The following CAMK1D variants were observed in gnomAD, a reference collection of about 807,000 sequenced individuals.
CAMK1D encodes the protein calcium/calmodulin dependent protein kinase ID.
A neutral mutation model predicts 47.7 loss-of-function variants in CAMK1D; 9 were observed. The observed-to-expected ratio is 0.19, with a 90% CI of 0.11 to 0.33. The LOEUF (loss-of-function observed/expected upper bound fraction) is 0.33. CAMK1D is among the 10% of genes least tolerant of loss of function. The pLI, the probability that CAMK1D is intolerant of heterozygous loss-of-function variation, is 1.00. For synonymous variants in CAMK1D, 184 were observed against 184.9 expected (o/e 0.99, Z 0.04); for missense variants, 291 against 488.7 (o/e 0.60, Z 3.81).
At chr10:12,786,902 C>G (rs1837749044) in intron 5 of CAMK1D, among the ~76,000 whole-genome samples, 1 of 152,212 alleles carries the variant, frequency 6.6e-6, no homozygotes, top group Non-Finnish European at 1.5e-5. Flanking sequence ...GCGGGTGGAT[C>G]ACCTGAGGTC....
chr10:12,357,548 C>G (rs1837554425), intron 1 of CAMK1D, among the ~76,000 whole-genome samples: 1 of 152,138 alleles, frequency 6.6e-6, no homozygotes, highest in African/African-American at 2.4e-5. Context: ...ACTTCTGACG[C>G]CAAGTGATCT....
intron 1 of CAMK1D, among the ~76,000 whole-genome samples, chr10:12,467,256 G>A (rs1356626018): frequency 5.8e-5 from 4 of 68,568 alleles, no homozygotes; most frequent in African/African-American, 1.9e-4. Flanking sequence ...GGGTTCAAGC[G>A]ATTGTCCTGC....
intron 4 of CAMK1D, among the ~76,000 whole-genome samples, chr10:12,761,880 G>A (rs1228876924): frequency 2.6e-5 from 4 of 152,072 alleles, no homozygotes; most frequent in African/African-American, 7.2e-5. Context: ...GCGAAACTCC[G>A]TCTCAAAAAA....
intron 1 of CAMK1D, among the ~76,000 whole-genome samples, chr10:12,523,574 C>A (rs1041239194): frequency 1.4e-4 from 21 of 152,162 alleles, no homozygotes; most frequent in Non-Finnish European, 2.9e-4. Context: ...GAAACCCCGT[C>A]TCCACCAAAA....
chr10:12,623,115 T>C (rs1222608774), intron 2 of CAMK1D, among the ~76,000 whole-genome samples: 645 of 28,494 alleles, frequency 0.023, 50 homozygotes, highest in African/African-American at 0.073. Flanking sequence ...CTCCCTCCCT[T>C]CCTTCTTTCC....
intron 1 of CAMK1D, among the ~76,000 whole-genome samples, chr10:12,394,610 A>G (rs1838869513): frequency 6.6e-6 from 1 of 152,172 alleles, no homozygotes; most frequent in African/African-American, 2.4e-5. Context: ...CCACAGGCAG[A>G]CACCAAAGAT....
chr10:12,589,108 C>T (rs1837921520), intron 2 of CAMK1D, among the ~76,000 whole-genome samples: 2 of 152,054 alleles, frequency 1.3e-5, no homozygotes, highest in South Asian at 2.1e-4. Flanking sequence ...CTTAAGCCAT[C>T]CTCCTGTCTC....
chr10:12,695,120 T>G (rs78109829), intron 3 of CAMK1D, among the ~76,000 whole-genome samples: 2,923 of 152,204 alleles, frequency 0.019, 90 homozygotes, highest in African/African-American at 0.062. Flanking sequence ...CTATTGGTTC[T>G]GTTTTCTGGA....
chr10:12,553,376 C>G lies in CAMK1D; in HGVS notation c.224+20C>G, dbSNP rs114093778. ...GAGAAAGTAAGTGCTGGAGGGCAAC[C>G]CTCCTCCCTTCCCTACCTCCTGGCC... is the stretch of plus-strand genomic sequence containing the variant. On this transcript the variant is annotated intron_variant, in intron 2 of 10. Transcript: ENST00000619168. The G allele has an allele frequency of 6.3e-7, 1 of 1,574,802 alleles. No homozygotes were observed. The highest frequency in any genetic ancestry group is 1.3e-5 in the African/African-American group (1 of 74,160).
chr10:12,432,252 C>T (rs1224725790), intron 1 of CAMK1D, among the ~76,000 whole-genome samples: 2 of 152,194 alleles, frequency 1.3e-5, no homozygotes, highest in Non-Finnish European at 2.9e-5. Flanking sequence ...AAGAGTTTTT[C>T]CTCAGCCCCA....
At chr10:12,722,319 G>T (rs937919779) in intron 3 of CAMK1D, among the ~76,000 whole-genome samples, 6 of 151,716 alleles carry the variant, frequency 4.0e-5, no homozygotes, top group Non-Finnish European at 7.4e-5. Context: ...GGTGGTGGGT[G>T]CCTGTAGTCC....
intron 2 of CAMK1D, among the ~76,000 whole-genome samples, chr10:12,601,066 A>C (rs1164751494): frequency 6.6e-6 from 1 of 152,038 alleles, no homozygotes; most frequent in African/African-American, 2.4e-5. Flanking sequence ...TATCTTTGCA[A>C]TTGTGGGTGG....
intron 2 of CAMK1D, among the ~76,000 whole-genome samples, chr10:12,601,552 C>G (rs1176303493): frequency 6.6e-6 from 1 of 152,168 alleles, no homozygotes; most frequent in African/African-American, 2.4e-5. Context: ...CAACCTCTGC[C>G]TCTCAGGTTC....
At chr10:12,459,213 C>T (rs1223998072) in intron 1 of CAMK1D, among the ~76,000 whole-genome samples, 2 of 152,064 alleles carry the variant, frequency 1.3e-5, no homozygotes, top group Non-Finnish European at 2.9e-5. Context: ...ATTATCACTT[C>T]AGATAAGTTT....
chr10:12,452,496 ATTTG>A (rs1240896391), intron 1 of CAMK1D, among the ~76,000 whole-genome samples: 1 of 151,814 alleles, frequency 6.6e-6, no homozygotes, highest in Admixed American at 6.6e-5. Context: ...ATATACATTT[ATTTG>A]TATATGTATT....
intron 1 of CAMK1D, among the ~76,000 whole-genome samples, chr10:12,379,803 A>G (rs182495537): frequency 9.7e-4 from 147 of 152,276 alleles, no homozygotes; most frequent in Non-Finnish European, 9.9e-4. Flanking sequence ...ATTTGAGGCC[A>G]GTTTTTACCA....
At chr10:12,691,698 G>A (rs1029176889) in intron 3 of CAMK1D, among the ~76,000 whole-genome samples, 1 of 151,632 alleles carries the variant, frequency 6.6e-6, no homozygotes, top group African/African-American at 2.4e-5. Flanking sequence ...TCATCCGCCC[G>A]CCTCGGCCTC....
chr10:12,543,652 A>G (rs1278780136), intron 1 of CAMK1D, among the ~76,000 whole-genome samples: 3 of 152,292 alleles, frequency 2.0e-5, no homozygotes, highest in South Asian at 2.1e-4. Context: ...CAAACCCTTC[A>G]ATGTCTGTTT....
intron 1 of CAMK1D, among the ~76,000 whole-genome samples, chr10:12,357,557 C>A (rs1416102388): frequency 5.3e-5 from 8 of 152,198 alleles, no homozygotes; most frequent in African/African-American, 1.9e-4. Context: ...GCCAAGTGAT[C>A]TGCTCACCTC....
Sources: allele counts gnomAD v4.1 joint callset (sites outside exome capture counted in the v4.1 genomes callset), GRCh38; gene constraint gnomAD v4.1.1; transcripts MANE v1.5; gene names NCBI Gene and HGNC (gene_info 2026-07-23, HGNC 2026-07-21).